The following ZNF69 variants were observed in gnomAD, a reference collection of about 807,000 sequenced individuals.
ZNF69 encodes the protein ZNF3.
In ZNF69, 47 loss-of-function variants were observed where a neutral mutation model predicts 50.9. That is an observed-to-expected ratio of 0.92 (90% confidence interval 0.73 to 1.18). ZNF69 has a LOEUF of 1.18. ZNF69 is among the 50% of genes most tolerant of loss of function. The pLI, the probability that ZNF69 is intolerant of heterozygous loss-of-function variation, is 0.00. For missense variants in ZNF69, 717 were observed against 675.1 expected (o/e 1.06, Z -0.69); for synonymous variants, 216 against 223.1 (o/e 0.97, Z 0.29).
At chr19:11,951,810 G>A in the ZNF69 span, among the ~76,000 whole-genome samples, 3 of 151,896 alleles carry the variant, frequency 2.0e-5, no homozygotes, top group South Asian at 2.1e-4. Flanking sequence ...TTTTTGTCCT[G>A]ATCCATCATG....
the ZNF69 span, among the ~76,000 whole-genome samples, chr19:11,952,436 ATGTGCTGTTG>A: frequency 1.3e-5 from 2 of 152,200 alleles, no homozygotes; most frequent in African/African-American, 4.8e-5. Context: ...TTCTCTGATA[ATGTGCTGTTG>A]ATGCTAACTT....
At chr19:11,968,780 G>A in the ZNF69 span, among the ~76,000 whole-genome samples, 1 of 152,122 alleles carries the variant, frequency 6.6e-6, no homozygotes. Context: ...AGCACGTTGG[G>A]AGGCCGAGGC....
At chr19:11,976,603 A>C in the ZNF69 span, among the ~76,000 whole-genome samples, 3 of 150,164 alleles carry the variant, frequency 2.0e-5, no homozygotes, top group African/African-American at 7.4e-5. Context: ...GTGGTGGCTC[A>C]TGCCTGTAAT....
chr19:11,903,078 A>G (rs1014268045), intron 1 of ZNF69, among the ~76,000 whole-genome samples: 4 of 152,124 alleles, frequency 2.6e-5, no homozygotes, highest in Non-Finnish European at 5.9e-5. Flanking sequence ...AAGAGGTTGT[A>G]GTGAGCCACG....
At chr19:11,949,590 A>T in the ZNF69 span, 1 of 1,612,496 alleles carries the variant, frequency 6.2e-7, no homozygotes, top group Non-Finnish European at 8.5e-7. Context: ...CTGCCAAGTC[A>T]TTTCAAACAC....
rs888344790 is a variant in ZNF69, at chr19:11,904,552, T to C, written c.252-97T>C. On this transcript the variant is annotated intron_variant, in intron 3 of 3. Coordinates refer to ENST00000429654, the MANE Select transcript of ZNF69 (RefSeq NM_001364730.1). ...CAGACAGGGCAGAAAGCCTACACTT[T>C]GATGGACAGTGTTAAAAATGCAAGT... The C allele has an allele frequency of 2.0e-6, 3 of 1,479,930 alleles. No individual in the cohort carries two copies. In the African/African-American group the frequency reaches 4.3e-5, roughly 21 times the overall value. The allele number at this position is 1,479,930 out of a possible 1,614,324, so 91.7% of individuals were successfully genotyped here.
At chr19:11,912,020 G>A (rs1306348344) in intron 4 of ZNF69, among the ~76,000 whole-genome samples, 1 of 152,084 alleles carries the variant, frequency 6.6e-6, no homozygotes, top group African/African-American at 2.4e-5. Flanking sequence ...ACACTGGAGA[G>A]AAACCCTATG....
At chr19:11,921,057 C>G in the ZNF69 span, among the ~76,000 whole-genome samples, 1 of 152,202 alleles carries the variant, frequency 6.6e-6, no homozygotes, top group Non-Finnish European at 1.5e-5. Flanking sequence ...AGCTGTGTCC[C>G]AGTCCCAAAG....
In ZNF69 at chr19:11,897,952, G is replaced by A. The variant is rs181131868; in HGVS notation, c.64-5621G>A. On this transcript the variant is annotated intron_variant, in intron 1 of 3. Coordinates refer to ENST00000429654, the MANE Select transcript of ZNF69 (RefSeq NM_001364730.1). ...TGTGCTCTTTTAAAAATTATATTTA[G>A]CAGACTGTTGCTGATAATTATAATT... Among the ~76,000 whole-genome samples the A allele has an allele frequency of 3.2e-3, 487 of 151,682 alleles. 1 individual carries two copies. Among genetic ancestry groups the A allele is most frequent in the Non-Finnish European group, 3.6e-3 (246 of 67,956 alleles).
At chr19:11,937,100 AT>A in the ZNF69 span, among the ~76,000 whole-genome samples, 4 of 152,034 alleles carry the variant, frequency 2.6e-5, no homozygotes, top group Non-Finnish European at 5.9e-5. Flanking sequence ...CAATTTATCG[AT>A]TTTCTCATTC....
intron 4 of ZNF69, among the ~76,000 whole-genome samples, chr19:11,912,862 G>A (rs1972477560): frequency 2.0e-5 from 3 of 152,310 alleles, no homozygotes; most frequent in Middle Eastern, 6.8e-3. Context: ...TTAACTGTTT[G>A]TAATAACTGT....
rs370928797 is a variant in ZNF69 at position 11,898,733 on chromosome 19, C to T, written c.64-4840C>T. ...CATCTTGACTGGCCAGGTGCTGAGC[C>T]TCATACCTGTAATCCTACCATTTAG... On this transcript the variant is annotated intron_variant, in intron 1 of 3. Coordinates refer to ENST00000429654, the MANE Select transcript of ZNF69 (RefSeq NM_001364730.1). 1.8e-4 allele frequency among the ~76,000 whole-genome samples: 28 copies of T among 152,258 alleles called. 1 individual carries two copies. The South Asian group carries it at 3.7e-3, about 20-fold the overall frequency.
chr19:11,957,090 AGTT>A, the ZNF69 span, among the ~76,000 whole-genome samples: 6 of 138,918 alleles, frequency 4.3e-5, no homozygotes, highest in Admixed American at 1.4e-4. Flanking sequence ...GTAAGAAATA[AGTT>A]TTTTTTTTTT....
intron 1 of ZNF69, among the ~76,000 whole-genome samples, chr19:11,890,145 AG>A (rs996001626): frequency 2.6e-5 from 4 of 152,114 alleles, no homozygotes; most frequent in African/African-American, 9.7e-5. Flanking sequence ...TCAACTGCAA[AG>A]AGGCCTCCCT....
At chr19:11,934,093 CA>C in the ZNF69 span, among the ~76,000 whole-genome samples, 1 of 147,842 alleles carries the variant, frequency 6.8e-6, no homozygotes, top group Non-Finnish European at 1.5e-5. Context: ...CCTAAATTCC[CA>C]GCTACATGGG....
At chr19:11,919,878 C>G in the ZNF69 span, among the ~76,000 whole-genome samples, 2 of 152,122 alleles carry the variant, frequency 1.3e-5, no homozygotes, top group Non-Finnish European at 2.9e-5. Context: ...GAAACTGAGT[C>G]CATGGTATTT....
At chr19:11,949,287 G>A in the ZNF69 span, 7 of 1,613,784 alleles carry the variant, frequency 4.3e-6, no homozygotes, top group Middle Eastern at 1.7e-4. Flanking sequence ...ATGAGTGTAA[G>A]CAGTGTGGGA....
At position 11,905,164 on chromosome 19, in the gene ZNF69, C is replaced by A. The variant is rs1972338412; in HGVS notation, c.767C>A (p.Ser256Tyr). The A allele has an allele frequency of 1.2e-6, 2 of 1,613,978 alleles. No individual in the cohort carries two copies. The highest frequency in any genetic ancestry group is 2.7e-5 in the African/African-American group (2 of 74,898). The change falls in exon 4 of 4, where the codon TCC becomes TAC. Residue 256 changes from serine to tyrosine, a missense_variant. Physicochemically the swap from Ser to Tyr is moderately radical, Grantham distance 144. Coordinates refer to ENST00000429654, the MANE Select transcript of ZNF69 (RefSeq NM_001364730.1). ...KPYECKQCGK[S>Y]FSYSATLRIH... The stretch of plus-strand genomic sequence containing the variant: ...TATGAATGTAAACAATGTGGTAAAT[C>A]CTTTAGTTATTCTGCTACCCTTCGA...
chr19:11,954,803 T>C, the ZNF69 span, among the ~76,000 whole-genome samples: 1 of 152,090 alleles, frequency 6.6e-6, no homozygotes, highest in South Asian at 2.1e-4. Context: ...CCTGGGTAAT[T>C]GAGTGAGGGC....
Sources: allele counts gnomAD v4.1 joint callset (sites outside exome capture counted in the v4.1 genomes callset), GRCh38; gene constraint gnomAD v4.1.1; transcripts MANE v1.5; gene names NCBI Gene and HGNC (gene_info 2026-07-23, HGNC 2026-07-21).